SLIT3: variants seen among roughly 807,000 people sequenced by gnomAD.
The protein encoded by SLIT3 is slit homolog 3 protein.
SLIT3 carries 68 observed loss-of-function variants against 184.0 expected under a neutral mutation model. That is an observed-to-expected ratio of 0.37 (90% CI 0.30 to 0.45). The LOEUF (loss-of-function observed/expected upper bound fraction) is 0.45, where lower values mean the gene tolerates loss of function less well. Among genes scored for constraint, SLIT3 ranks in the 20% least tolerant of loss-of-function variants. The probability of loss-of-function intolerance (pLI) is 1.00; values close to 1 mark genes in which losing one functional copy is unlikely to be tolerated. For missense variants in SLIT3, 1,707 were observed against 2,026.0 expected (o/e 0.84, Z 3.02); for synonymous variants, 831 against 828.6 (o/e 1.00, Z -0.05).
chr5:168,969,747 A>G (rs1347174539), intron 4 of SLIT3, among the ~76,000 whole-genome samples: 1 of 152,196 alleles, frequency 6.6e-6, no homozygotes, highest in Non-Finnish European at 1.5e-5. Context: ...TTCTTCCCCT[A>G]TAGCAGCCCC....
At chr5:168,686,928 C>G in intron 30 of SLIT3, 51 bp downstream of exon 30, 1 of 1,597,496 alleles carries the variant, frequency 6.3e-7, no homozygotes, top group Non-Finnish European at 8.6e-7. Flanking sequence ...AGCCCCAGCC[C>G]CTGCCACCTG....
intron 4 of SLIT3, among the ~76,000 whole-genome samples, chr5:168,909,340 C>T (rs2113071704): frequency 1.3e-5 from 2 of 152,304 alleles, no homozygotes; most frequent in Admixed American, 1.3e-4. Context: ...TTCACACAAA[C>T]ATCTATCTGG....
rs1163208163 is a variant in SLIT3 at position 169,300,883 on chromosome 5, G to GGGCGGC, written c.-180_-175dup. The GGGCGGC allele has an allele frequency of 1.4e-5, 6 of 439,446 alleles. No homozygotes were observed. In the Admixed American group the frequency reaches 1.5e-4, roughly 11 times the overall value. 27.2% of individuals were successfully genotyped at this position (439,446 alleles called of 1,614,324 possible). On this transcript the variant is annotated 5_prime_UTR_variant, in exon 1 of 36. Transcript: ENST00000519560. The surrounding 1 kb of genome is among the most constrained non-coding windows in gnomAD (Gnocchi z 4.1). The stretch of plus-strand genomic sequence containing the variant: ...GGGCGCGGGCGGAGCGGGGCGCTCC[G>GGGCGGC]GGCGGCGGCGGCGGCAGCAACAGCA...
At chr5:169,033,224 C>T (rs1757104397) in intron 4 of SLIT3, among the ~76,000 whole-genome samples, 1 of 151,912 alleles carries the variant, frequency 6.6e-6, no homozygotes, top group African/African-American at 2.4e-5. Context: ...CTTTCTTTGT[C>T]TGGTTTATTT....
chr5:168,675,291 G>A (rs1316553842), intron 32 of SLIT3, among the ~76,000 whole-genome samples: 2 of 152,166 alleles, frequency 1.3e-5, no homozygotes, highest in African/African-American at 2.4e-5. Context: ...CCAGCAGGGG[G>A]TGGCACTGAT....
chr5:169,212,212 G>C (rs1764290013), intron 3 of SLIT3, among the ~76,000 whole-genome samples: 1 of 152,100 alleles, frequency 6.6e-6, no homozygotes, highest in African/African-American at 2.4e-5. Context: ...CTTCCACAAT[G>C]GTGGAACTAA....
chr5:169,076,064 A>G (rs1222562331), intron 4 of SLIT3, among the ~76,000 whole-genome samples: 1 of 152,170 alleles, frequency 6.6e-6, no homozygotes, highest in African/African-American at 2.4e-5. Context: ...TGTTCTCTGT[A>G]TGAGAGTGAA....
intron 1 of SLIT3, among the ~76,000 whole-genome samples, chr5:169,288,355 G>GT (rs11462191): frequency 0.78 from 117,324 of 151,250 alleles, 45,693 homozygotes; most frequent in East Asian, 0.91. Flanking sequence ...TCCCCCTTGA[G>GT]TTTTTTTTTA....
intron 4 of SLIT3, among the ~76,000 whole-genome samples, chr5:168,926,743 AG>A (rs70979110): frequency 1.1e-5 from 1 of 89,306 alleles, no homozygotes; most frequent in Admixed American, 1.3e-4. Flanking sequence ...TTTTCTACGA[AG>A]AAGACATACA....
intron 1 of SLIT3, among the ~76,000 whole-genome samples, chr5:169,255,273 T>C (rs79784409): frequency 0.073 from 11,153 of 152,298 alleles, 507 homozygotes; most frequent in Middle Eastern, 0.14. Flanking sequence ...GCTTCACGCA[T>C]GTCCTTGAGG....
At chr5:169,250,915 T>C (rs1421960968) in intron 2 of SLIT3, among the ~76,000 whole-genome samples, 1 of 152,198 alleles carries the variant, frequency 6.6e-6, no homozygotes, top group African/African-American at 2.4e-5. Context: ...ATTTCAAATT[T>C]TGCTACCTGT....
At chr5:169,232,057 T>C (rs1765022719) in intron 3 of SLIT3, among the ~76,000 whole-genome samples, 1 of 152,206 alleles carries the variant, frequency 6.6e-6, no homozygotes, top group South Asian at 2.1e-4. Context: ...CTAAAATAAG[T>C]CCTTTGTCAG....
intron 9 of SLIT3, among the ~76,000 whole-genome samples, chr5:168,799,810 A>G (rs1756701937): frequency 6.6e-6 from 1 of 152,166 alleles, no homozygotes; most frequent in Admixed American, 6.5e-5. Context: ...CTATGAACCA[A>G]GTAGTATTAT....
chr5:169,034,037 C>T (rs748243024), intron 4 of SLIT3, among the ~76,000 whole-genome samples: 1 of 152,082 alleles, frequency 6.6e-6, no homozygotes, highest in Non-Finnish European at 1.5e-5. Flanking sequence ...TGGTCTTGAT[C>T]TCTTGACCTT....
intron 4 of SLIT3, among the ~76,000 whole-genome samples, chr5:168,896,958 A>AG (rs1306567281): frequency 6.6e-6 from 1 of 152,206 alleles, no homozygotes; most frequent in Non-Finnish European, 1.5e-5. Context: ...AAAGGGGTCC[A>AG]GAGCCGTGCA....
chr5:168,906,929 C>T lies in SLIT3; in HGVS notation c.414-23593G>A, dbSNP rs550100508. On this transcript the variant is annotated intron_variant, in intron 4 of 35. Transcript: ENST00000519560. ...AGGCTGGAGTGCAGTGGTGTGATCT[C>T]GGGTCACTGCAACCTCCACCTCCCA... Among the ~76,000 whole-genome samples the T allele has an allele frequency of 9.9e-5, 15 of 151,628 alleles. No individual in the cohort carries two copies. In the South Asian group the frequency reaches 2.9e-3, roughly 30 times the overall value.
intron 4 of SLIT3, among the ~76,000 whole-genome samples, chr5:168,967,839 A>G (rs1007308384): frequency 1.3e-5 from 2 of 152,048 alleles, no homozygotes; most frequent in Admixed American, 1.3e-4. Flanking sequence ...AGGAAGAATA[A>G]AGCCTCGGGT....
chr5:168,828,849 C>T (rs149722786), intron 6 of SLIT3, among the ~76,000 whole-genome samples: 25 of 152,100 alleles, frequency 1.6e-4, no homozygotes, highest in East Asian at 7.7e-4. Flanking sequence ...CATTGAACTA[C>T]GGAAAAAGCT....
intron 5 of SLIT3, among the ~76,000 whole-genome samples, chr5:168,871,810 A>AT (rs1331856229): frequency 6.6e-6 from 1 of 152,156 alleles, no homozygotes; most frequent in Non-Finnish European, 1.5e-5. Flanking sequence ...CACTTAACAT[A>AT]TGGGTTAACT....
Sources: gnomAD v4.1 joint callset for allele counts (sites outside exome capture counted in the v4.1 genomes callset) on GRCh38, gnomAD v4.1.1 for gene constraint, Gnocchi (gnomAD v3.1) non-coding constraint, MANE v1.5 for transcripts, NCBI Gene and HGNC (gene_info 2026-07-23, HGNC 2026-07-21) for gene names.